The following TMEM150C variants were observed in gnomAD, a reference collection of about 807,000 sequenced individuals.
TMEM150C encodes transmembrane protein 150C.
TMEM150C carries 10 observed loss-of-function variants against 29.9 expected under a neutral mutation model. The observed-to-expected ratio is 0.33, with a 90% CI of 0.21 to 0.57. The LOEUF (loss-of-function observed/expected upper bound fraction) is 0.57. Among genes scored for constraint, TMEM150C ranks in the 20% least tolerant of loss-of-function variants. TMEM150C has a pLI of 0.88. For missense variants in TMEM150C, 251 were observed against 303.6 expected, an observed-to-expected ratio of 0.83 and a Z score of 1.29; for synonymous variants, 101 against 112.5, an observed-to-expected ratio of 0.90 and a Z score of 0.64.
Position 82,502,737 on chromosome 4 carries a change from T to G in TMEM150C, c.225A>C (p.Ala75=). ...TTACCCTCTTCTTACCTAGGAAGGC[T>G]GCCATGTTCATAACTTGACTAAACA... ...SCVFSQVMNM[A]AFLALVVAVL... is the part of the protein sequence containing the mutation. The change falls in exon 5 of 8, where the codon GCA becomes GCC. Residue 75 remains alanine, a synonymous_variant. Coordinates refer to ENST00000449862, the MANE Select transcript of TMEM150C (RefSeq NM_001080506.3). The G allele has an allele frequency of 6.2e-7, 1 of 1,609,904 alleles. No individual in the cohort carries two copies. The highest frequency in any genetic ancestry group is 8.5e-7 in the Non-Finnish European group (1 of 1,177,952).
intron 1 of TMEM150C, among the ~76,000 whole-genome samples, chr4:82,506,653 C>G (rs1256579887): frequency 6.6e-6 from 1 of 152,156 alleles, no homozygotes; most frequent in Non-Finnish European, 1.5e-5. Context: ...ATTGTATGAA[C>G]TAGTGGTTCA....
chr4:82,491,668 A>AT (rs917347137), intron 6 of TMEM150C: 27 of 489,894 alleles, frequency 5.5e-5, no homozygotes, highest in African/African-American at 1.2e-4. Flanking sequence ...CTAATTTTTT[A>AT]TTTTTTTTAT....
At chr4:82,507,232 C>T (rs140327062) in intron 1 of TMEM150C, among the ~76,000 whole-genome samples, 1 of 152,294 alleles carries the variant, frequency 6.6e-6, no homozygotes, top group African/African-American at 2.4e-5. Flanking sequence ...ATTGTTACAA[C>T]AGATTGATGA....
chr4:82,527,792 G>T (rs1345202155), intron 1 of TMEM150C, among the ~76,000 whole-genome samples: 1 of 152,116 alleles, frequency 6.6e-6, no homozygotes, highest in East Asian at 1.9e-4. Context: ...ATACATCATG[G>T]TTTTGCTTCT....
chr4:82,495,693 G>A, intron 6 of TMEM150C: 1 of 295,386 alleles, frequency 3.4e-6, no homozygotes, highest in Non-Finnish European at 6.7e-6. Context: ...CCTGCTTGTT[G>A]TTCCCACCAA....
chr4:82,547,471 C>T (rs576358897), intron 1 of TMEM150C, among the ~76,000 whole-genome samples: 68 of 152,146 alleles, frequency 4.5e-4, no homozygotes, highest in African/African-American at 1.6e-3. Flanking sequence ...CGCCTGTAGT[C>T]CCAGCTACTT....
At chr4:82,495,843 T>C in intron 6 of TMEM150C, 1 of 558,886 alleles carries the variant, frequency 1.8e-6, no homozygotes. Flanking sequence ...CATCTTCCAC[T>C]TTAATGAGTT....
chr4:82,544,657 T>C (rs1388220043), intron 1 of TMEM150C, among the ~76,000 whole-genome samples: 3 of 152,114 alleles, frequency 2.0e-5, no homozygotes, highest in Non-Finnish European at 4.4e-5. Flanking sequence ...TGCACACCTG[T>C]GGTCCCAGCT....
intron 5 of TMEM150C, among the ~76,000 whole-genome samples, chr4:82,497,091 TTCAAATCTG>T (rs1466696857): frequency 2.0e-5 from 3 of 152,182 alleles, no homozygotes; most frequent in African/African-American, 7.2e-5. Context: ...TTACTTAGAT[TTCAAATCTG>T]ACTTCTAATA....
chr4:82,495,468 A>G (rs1723519069), intron 6 of TMEM150C: 1 of 358,686 alleles, frequency 2.8e-6, no homozygotes, highest in South Asian at 2.6e-5. Flanking sequence ...GGATTCTGCT[A>G]GCTCTTTTAG....
chr4:82,486,232 G>A (rs73833104), intron 7 of TMEM150C, among the ~76,000 whole-genome samples: 28,366 of 146,530 alleles, frequency 0.19, 2,831 homozygotes, highest in Admixed American at 0.23. Flanking sequence ...AAAGTAATTA[G>A]TTTGCCAGAA....
chr4:82,560,862 T>C lies in TMEM150C; in HGVS notation c.-11+1044A>G, dbSNP rs114087976. 8.9e-3 allele frequency among the ~76,000 whole-genome samples: 1,349 copies of C among 152,336 alleles called. 9 individuals are homozygous for C. Among genetic ancestry groups the C allele is most frequent in the Non-Finnish European group, 0.014 (925 of 68,024 alleles). On this transcript the variant is annotated intron_variant, in intron 1 of 7. Transcript: ENST00000449862. ...TTTAGATCCAATAACTGTTTGGTTTTGTTTTTCAACATGGCATTGGTATAT... is the reference window on the plus strand; with the variant it reads ...TTTAGATCCAATAACTGTTTGGTTTCGTTTTTCAACATGGCATTGGTATAT...
chr4:82,496,256 C>T (rs771227130), intron 5 of TMEM150C, 61 bp from the exon 6 acceptor site: 155 of 1,458,794 alleles, frequency 1.1e-4, no homozygotes, highest in Non-Finnish European at 1.4e-4. Flanking sequence ...GACTGTGAGG[C>T]AGAATTCTAT....
chr4:82,511,845 A>T (rs4560401), intron 1 of TMEM150C, among the ~76,000 whole-genome samples: 1 of 152,214 alleles, frequency 6.6e-6, no homozygotes, highest in Non-Finnish European at 1.5e-5. Context: ...ACTGTCTTAG[A>T]GTTTCTATGC....
chr4:82,560,881 G>A (rs1228407370), intron 1 of TMEM150C, among the ~76,000 whole-genome samples: 1 of 152,156 alleles, frequency 6.6e-6, no homozygotes, highest in African/African-American at 2.4e-5. Context: ...ACATGGCATT[G>A]GTATATCTGG....
chr4:82,513,797 G>T (rs940882524), intron 1 of TMEM150C, among the ~76,000 whole-genome samples: 2 of 152,144 alleles, frequency 1.3e-5, no homozygotes, highest in South Asian at 4.1e-4. Flanking sequence ...AGAGGGCTCC[G>T]TATAGCTGCC....
At chr4:82,545,207 T>C (rs1312939288) in intron 1 of TMEM150C, among the ~76,000 whole-genome samples, 1 of 152,236 alleles carries the variant, frequency 6.6e-6, no homozygotes, top group Non-Finnish European at 1.5e-5. Flanking sequence ...CGTGATCGCA[T>C]AGGCTTCACT....
chr4:82,515,524 G>T (rs544372469), intron 1 of TMEM150C, among the ~76,000 whole-genome samples: 217 of 152,140 alleles, frequency 1.4e-3, no homozygotes, highest in African/African-American at 4.9e-3. Context: ...AGATTACGAG[G>T]TCAGGAGATG....
intron 1 of TMEM150C, among the ~76,000 whole-genome samples, chr4:82,526,983 G>C (rs969275862): frequency 1.3e-5 from 2 of 148,768 alleles, no homozygotes; most frequent in East Asian, 3.9e-4. Flanking sequence ...AGCCAATCTA[G>C]GAAAGGTTTC....
Sources: allele counts gnomAD v4.1 joint callset (sites outside exome capture counted in the v4.1 genomes callset), GRCh38; gene constraint gnomAD v4.1.1; transcripts MANE v1.5; gene names NCBI Gene and HGNC (gene_info 2026-07-23, HGNC 2026-07-21).